Variants in GRID2IP observed in about 807,000 individuals in gnomAD.
The protein encoded by GRID2IP is delphilin.
In GRID2IP, 78 loss-of-function variants were observed where a neutral mutation model predicts 114.3. That is an observed-to-expected ratio of 0.68 (90% CI 0.57 to 0.82). GRID2IP has a LOEUF of 0.82. GRID2IP is among the 40% of genes least tolerant of loss of function. The pLI, the probability that GRID2IP is intolerant of heterozygous loss-of-function variation, is 0.00. For missense variants in GRID2IP, 1,727 were observed against 1,678.5 expected (o/e 1.03, Z -0.51); for synonymous variants, 809 against 724.0 (o/e 1.12, Z -1.89).
In GRID2IP at chr7:6,539,860, A is replaced by G; in HGVS notation, c.442T>C (p.Leu148=). 1 of 1,551,328 alleles carries G rather than the reference A, an allele frequency of 6.4e-7. No individual in the cohort carries two copies. Among genetic ancestry groups the G allele is most frequent in the South Asian group, 1.2e-5 (1 of 84,030 alleles). Residue 148 remains leucine, a synonymous_variant, in exon 2 of 22, where the codon TTG becomes CTG. Transcript: ENST00000457091. ...QEFSRKVDEI[L]GDQPTAKEQV... is the part of the protein sequence containing the mutation. ...TCCTTGGCAGTTGGCTGGTCCCCCA[A>G]GATTTCATCCACCTGCAAGGAGGAG...
At chr7:6,529,994 T>C (rs1779587705) in intron 2 of GRID2IP, among the ~76,000 whole-genome samples, 1 of 148,850 alleles carries the variant, frequency 6.7e-6, no homozygotes. Context: ...AGTCTCGCTC[T>C]GTCACACAGG....
intron 1 of GRID2IP, among the ~76,000 whole-genome samples, chr7:6,547,655 T>C (rs1779907309): frequency 6.6e-6 from 1 of 152,258 alleles, no homozygotes; most frequent in East Asian, 1.9e-4. Flanking sequence ...TTTGGTGATG[T>C]AGGGAAGCTG....
intron 2 of GRID2IP, among the ~76,000 whole-genome samples, chr7:6,527,103 C>T (rs1296884481): frequency 6.6e-6 from 1 of 152,034 alleles, no homozygotes; most frequent in Non-Finnish European, 1.5e-5. Context: ...TCTGTCCTCT[C>T]CCCCCACTCC....
Position 6,508,523 on chromosome 7 carries a change from T to C in GRID2IP, c.2128-122A>G. 1 of 1,472,212 alleles carries C rather than the reference T, an allele frequency of 6.8e-7. No individual in the cohort carries two copies. The highest frequency in any genetic ancestry group is 9.1e-7 in the Non-Finnish European group (1 of 1,103,328). 91.2% of individuals were successfully genotyped at this position (1,472,212 alleles called of 1,614,324 possible). A position where few individuals can be genotyped will look rare whatever the true frequency, so the allele number is the denominator to read the frequency against. On this transcript the variant is annotated intron_variant, in intron 12 of 21. Coordinates refer to ENST00000457091, the MANE Select transcript of GRID2IP (RefSeq NM_001145118.2). This position sits in a 1 kb window ranked among gnomAD's most constrained non-coding sequence, Gnocchi z 5.6. ...GACAGGGCCATCTCACGGGTTAGCCTCAGGCTGTGAGGGACACCTGGGCTA... is the reference window on the plus strand; with the variant it reads ...GACAGGGCCATCTCACGGGTTAGCCCCAGGCTGTGAGGGACACCTGGGCTA...
At position 6,530,454 on chromosome 7, in the gene GRID2IP, G is replaced by A. The variant is rs576011960; in HGVS notation, c.585-3685C>T. 6.6e-5 allele frequency among the ~76,000 whole-genome samples: 10 copies of A among 150,872 alleles called. No individual in the cohort carries two copies. The South Asian group carries it at 1.7e-3, about 25-fold the overall frequency. Reference sequence around the variant, plus strand: ...GGCTTTTTAAATTTTTAGTAGAGACGGGGTTTCACCATGTTGGTCAGGCTG... The same window carrying A: ...GGCTTTTTAAATTTTTAGTAGAGACAGGGTTTCACCATGTTGGTCAGGCTG... On this transcript the variant is annotated intron_variant, in intron 2 of 21. Transcript: ENST00000457091.
chr7:6,510,313 G>A lies in GRID2IP; in HGVS notation c.1741C>T (p.Pro581Ser). The A allele has an allele frequency of 6.5e-7, 1 of 1,547,302 alleles. No individual in the cohort carries two copies. The highest frequency in any genetic ancestry group is 1.2e-5 in the South Asian group (1 of 83,240). Residue 581 changes from proline (P) to serine (S), a missense_variant, in exon 11 of 22, where the codon CCT (proline) becomes TCT (serine). By Grantham distance (74) the Pro-to-Ser change is moderately conservative (BLOSUM62 -1). Transcript: ENST00000457091. ...GTGACTGCTGGGCTGGGGCCTGGAG[G>A]GGAAGCCCGGGATTTGGACACGGTC... ...MGTVSKSRASPPGPSPAVTTG... is the reference protein window; with the variant it reads ...MGTVSKSRASSPGPSPAVTTG...
chr7:6,512,788 G>C (rs1283258606), intron 8 of GRID2IP, among the ~76,000 whole-genome samples: 1 of 152,054 alleles, frequency 6.6e-6, no homozygotes, highest in East Asian at 1.9e-4. Flanking sequence ...TGGGATTACA[G>C]ACGTGAGTCA....
rs1156459356 is a variant in GRID2IP, at chr7:6,520,163, G to C, written c.1268+415C>G. On this transcript the variant is annotated intron_variant, in intron 7 of 21. Transcript: ENST00000457091. The surrounding 1 kb of genome is among the most constrained non-coding windows in gnomAD (Gnocchi z 4.6). ...AAAAAATTAGCCGGGTGTGGTGGTG[G>C]GCACCTGTAATCCCAGCTACTCGGA... 6.6e-6 allele frequency among the ~76,000 whole-genome samples: 1 copy of C among 151,952 alleles called. No individual in the cohort carries two copies. The highest frequency in any genetic ancestry group is 2.4e-5 in the African/African-American group (1 of 41,372).
rs1231683286 is a variant in GRID2IP, at chr7:6,551,369, C to T, written c.68G>A (p.Gly23Asp). 2 of 1,548,714 alleles carry T rather than the reference C, an allele frequency of 1.3e-6. No homozygotes were observed. The highest frequency in any genetic ancestry group is 4.9e-5 in the East Asian group (2 of 40,798). The change falls in exon 1 of 22, where the codon GGC (glycine) becomes GAC (aspartate). Residue 23 changes from glycine to aspartate, a missense_variant. By Grantham distance (94) the Gly-to-Asp change is moderately conservative. Transcript: ENST00000457091. ...WPEDFGFRLG[G>D]SGPCFVLEVA... ...CTCCAGGACGAAGCAGGGGCCAGAG[C>T]CACCTAGCCGGAAGCCAAAGTCCTC...
intron 2 of GRID2IP, among the ~76,000 whole-genome samples, chr7:6,533,940 G>A (rs1779680184): frequency 6.6e-6 from 1 of 152,044 alleles, no homozygotes; most frequent in African/African-American, 2.4e-5. Context: ...ATGAACCACT[G>A]CACCCAGTCC....
At chr7:6,547,570 G>A (rs1393755301) in intron 1 of GRID2IP, among the ~76,000 whole-genome samples, 1 of 152,122 alleles carries the variant, frequency 6.6e-6, no homozygotes, top group Non-Finnish European at 1.5e-5. Context: ...AATAAAAAAT[G>A]TTGGGTTTGT....
Position 6,507,980 on chromosome 7 carries a change from C to A in GRID2IP, c.2544+5G>T, listed in dbSNP as rs200143110. On this transcript the variant is annotated splice_donor_5th_base_variant and intron_variant, in intron 13 of 21. Coordinates refer to ENST00000457091, the MANE Select transcript of GRID2IP (RefSeq NM_001145118.2). This position sits in a 1 kb window ranked among gnomAD's most constrained non-coding sequence, Gnocchi z 5.3. The stretch of plus-strand genomic sequence containing the variant: ...CAGAGCGCTGCTGGGTCCCAGGTCA[C>A]CTACCTGACCCCAGATGGTGCCTTC... The A allele has an allele frequency of 1.7e-3, 2,642 of 1,549,974 alleles. 7 individuals are homozygous for A. Among genetic ancestry groups the A allele is most frequent in the Non-Finnish European group, 2.1e-3 (2,372 of 1,146,752 alleles).
chr7:6,511,522 G>A (rs1208329570), intron 8 of GRID2IP, among the ~76,000 whole-genome samples: 7 of 151,294 alleles, frequency 4.6e-5, no homozygotes, highest in Non-Finnish European at 1.0e-4. Flanking sequence ...ACAGGTGTCC[G>A]TCACCATGCC....
At chr7:6,501,309 C>G (rs1370963965) in intron 20 of GRID2IP, among the ~76,000 whole-genome samples, 4 of 152,080 alleles carry the variant, frequency 2.6e-5, no homozygotes, top group Non-Finnish European at 2.9e-5. Flanking sequence ...CAAGATCGTG[C>G]AACTGCACTC....
intron 2 of GRID2IP, among the ~76,000 whole-genome samples, chr7:6,533,877 T>A (rs953886699): frequency 6.6e-6 from 1 of 151,898 alleles, no homozygotes; most frequent in Non-Finnish European, 1.5e-5. Flanking sequence ...TCTTGAACTC[T>A]GGCCTTAAGC....
intron 9 of GRID2IP, 54 bp downstream of exon 9, chr7:6,510,854 T>C: frequency 6.6e-7 from 1 of 1,526,240 alleles, no homozygotes; most frequent in Non-Finnish European, 8.9e-7. Context: ...AAGCCCATTT[T>C]GCAGGTGGGA....
intron 8 of GRID2IP, among the ~76,000 whole-genome samples, chr7:6,512,513 TA>T (rs747537263): frequency 6.6e-6 from 1 of 151,378 alleles, no homozygotes; most frequent in Non-Finnish European, 1.5e-5. Context: ...GCTAATTTTT[TA>T]TTTTTTTTTT....
In GRID2IP at chr7:6,509,234, C is replaced by T; in HGVS notation, c.1851G>A (p.Gly617=). 6.6e-7 allele frequency: 1 copy of T among 1,514,566 alleles called. No homozygotes were observed. The highest frequency in any genetic ancestry group is 8.9e-7 in the Non-Finnish European group (1 of 1,129,348). The allele number at this position is 1,514,566 out of a possible 1,614,324, so 93.8% of individuals were successfully genotyped here. Residue 617 remains glycine, a synonymous_variant, in exon 12 of 22, where the codon GGG becomes GGA. Transcript: ENST00000457091. This position sits in a 1 kb window ranked among gnomAD's most constrained non-coding sequence, Gnocchi z 4.9. ...PSPCYHPLCS[G]GLASPSSSES... is the part of the protein sequence containing the mutation. Reference sequence around the variant, plus strand: ...CAGAGCTGCTGGGGGAGGCCAGACCCCCCGAACACAGCGGGTGGTAGCAGG... The same window carrying T: ...CAGAGCTGCTGGGGGAGGCCAGACCTCCCGAACACAGCGGGTGGTAGCAGG...
chr7:6,548,957 T>C (rs954005888), intron 1 of GRID2IP, among the ~76,000 whole-genome samples: 2 of 151,432 alleles, frequency 1.3e-5, no homozygotes, highest in African/African-American at 4.9e-5. Context: ...AGGGACTGAG[T>C]GTCTTGGCTC....
Sources: allele counts gnomAD v4.1 joint callset (sites outside exome capture counted in the v4.1 genomes callset), GRCh38; gene constraint gnomAD v4.1.1; non-coding constraint Gnocchi (gnomAD v3.1); transcripts MANE v1.5; gene names NCBI Gene and HGNC (gene_info 2026-07-23, HGNC 2026-07-21).